Variants in FARS2 observed in about 807,000 individuals in gnomAD.
The protein encoded by FARS2 is phenylalanine--tRNA ligase, mitochondrial.
In FARS2, 40 loss-of-function variants were observed where a neutral mutation model predicts 46.4. That is an observed-to-expected ratio of 0.86 (90% CI 0.67 to 1.12). The LOEUF (loss-of-function observed/expected upper bound fraction) is 1.12. FARS2 is among the 50% of genes most tolerant of loss of function. FARS2 has a pLI of 0.00. For synonymous variants in FARS2, 234 were observed against 214.9 expected (o/e 1.09, Z -0.78); for missense variants, 513 against 567.9 (o/e 0.90, Z 0.98).
At chr6:5,485,847 G>C (rs1766744416) in intron 4 of FARS2, among the ~76,000 whole-genome samples, 1 of 152,288 alleles carries the variant, frequency 6.6e-6, no homozygotes, top group African/African-American at 2.4e-5. Context: ...TGAGATTTCA[G>C]TTCCTTGGCT....
chr6:5,682,170 T>G (rs1002844739), intron 6 of FARS2, among the ~76,000 whole-genome samples: 1 of 152,210 alleles, frequency 6.6e-6, no homozygotes, highest in African/African-American at 2.4e-5. Flanking sequence ...TACCTAGCTG[T>G]TAAAAATGAC....
At position 5,328,286 on chromosome 6, in the gene FARS2, C is replaced by G. The variant is rs78184173; in HGVS notation, c.-21-40264C>G. The stretch of plus-strand genomic sequence containing the variant: ...CCCTTACCCCCAAAGCACTATTGCC[C>G]CTGTTGGTTGAGAATGTTGGTCTAG... On this transcript the variant is annotated intron_variant, in intron 1 of 6. Transcript: ENST00000274680. Among the ~76,000 whole-genome samples the G allele has an allele frequency of 4.1e-3, 626 of 152,184 alleles. 5 individuals carry two copies. Among genetic ancestry groups the G allele is most frequent in the African/African-American group, 0.014 (588 of 41,524 alleles).
chr6:5,561,870 C>T (rs1434022193), intron 5 of FARS2, among the ~76,000 whole-genome samples: 2 of 151,946 alleles, frequency 1.3e-5, no homozygotes, highest in African/African-American at 4.8e-5. Flanking sequence ...GTGAATTTGT[C>T]AGTACTTTCT....
rs1761441511 is a variant in FARS2, at chr6:5,404,559, G to A, written c.630G>A (p.Lys210=). 4 of 1,602,156 alleles carry A rather than the reference G, an allele frequency of 2.5e-6. No individual in the cohort carries two copies. The highest frequency in any genetic ancestry group is 3.4e-6 in the Non-Finnish European group (4 of 1,173,722). The stretch of plus-strand genomic sequence containing the variant: ...GTTTACAGTTATTTGCTGGTATAAA[G>A]GATGGAGAAAGCCTGCAGCTCTTTG... ...FSKHELFAGI[K]DGESLQLFEQ... is the part of the protein sequence containing the mutation. The change falls in exon 3 of 7, where the codon AAG becomes AAA. Residue 210 remains lysine (K), a synonymous_variant. Coordinates refer to ENST00000274680, the MANE Select transcript of FARS2 (RefSeq NM_006567.5).
intron 4 of FARS2, among the ~76,000 whole-genome samples, chr6:5,490,770 A>G (rs1767058754): frequency 6.6e-6 from 1 of 152,240 alleles, no homozygotes; most frequent in Non-Finnish European, 1.5e-5. Flanking sequence ...AGACCCACAT[A>G]GTGAGGAACT....
chr6:5,654,066 G>A (rs1777496340), intron 6 of FARS2, among the ~76,000 whole-genome samples: 2 of 152,182 alleles, frequency 1.3e-5, no homozygotes, highest in African/African-American at 4.8e-5. Context: ...CACTAGTAGA[G>A]TCAGCAGTGT....
At chr6:5,759,451 GT>G (rs1762376769) in intron 6 of FARS2, among the ~76,000 whole-genome samples, 2 of 152,050 alleles carry the variant, frequency 1.3e-5, no homozygotes, top group African/African-American at 4.8e-5. Context: ...GTTTTGTTTT[GT>G]TTTATTCCAC....
chr6:5,588,400 A>ATTT (rs1773737058), intron 5 of FARS2, among the ~76,000 whole-genome samples: 1 of 152,010 alleles, frequency 6.6e-6, no homozygotes, highest in Non-Finnish European at 1.5e-5. Context: ...AACATTCCTG[A>ATTT]TTTTTCTGTA....
intron 5 of FARS2, among the ~76,000 whole-genome samples, chr6:5,569,039 C>A (rs949256656): frequency 6.6e-6 from 1 of 151,644 alleles, no homozygotes; most frequent in South Asian, 2.1e-4. Flanking sequence ...CTGTTAATAA[C>A]TGTGTTGCAT....
intron 6 of FARS2, among the ~76,000 whole-genome samples, chr6:5,620,147 C>T (rs1230397594): frequency 6.6e-6 from 1 of 151,892 alleles, no homozygotes; most frequent in Admixed American, 6.6e-5. Flanking sequence ...CGATGTTTAG[C>T]AGAATCCCCG....
intron 1 of FARS2, among the ~76,000 whole-genome samples, chr6:5,365,458 T>A (rs919001607): frequency 6.7e-6 from 1 of 149,452 alleles, no homozygotes; most frequent in East Asian, 2.0e-4. Context: ...AGCTCCCCAG[T>A]AGCTGGGACT....
chr6:5,577,884 C>T (rs1773080898), intron 5 of FARS2, among the ~76,000 whole-genome samples: 2 of 152,154 alleles, frequency 1.3e-5, no homozygotes, highest in Admixed American at 1.3e-4. Context: ...ACACTGCAAG[C>T]TCTGCCTCCC....
chr6:5,319,687 T>G (rs910770974), intron 1 of FARS2, among the ~76,000 whole-genome samples: 13 of 152,244 alleles, frequency 8.5e-5, no homozygotes, highest in Non-Finnish European at 1.2e-4. Context: ...CTCTGCCTTA[T>G]GCCCCTTGGT....
At chr6:5,265,866 A>G (rs1305123124) in intron 1 of FARS2, among the ~76,000 whole-genome samples, 3 of 152,154 alleles carry the variant, frequency 2.0e-5, no homozygotes, top group Non-Finnish European at 2.9e-5. Context: ...TTCATCCCTG[A>G]TGCTTGGGCC....
chr6:5,350,634 C>T (rs1457049388), intron 1 of FARS2, among the ~76,000 whole-genome samples: 1 of 152,194 alleles, frequency 6.6e-6, no homozygotes, highest in Non-Finnish European at 1.5e-5. Context: ...TAGGAAAACA[C>T]TGTACTTTGA....
intron 4 of FARS2, among the ~76,000 whole-genome samples, chr6:5,527,253 C>T (rs1769524423): frequency 6.6e-6 from 1 of 152,246 alleles, no homozygotes; most frequent in Admixed American, 6.5e-5. Flanking sequence ...AGTCTCATGG[C>T]ATTTGTCAGA....
chr6:5,468,616 A>G (rs1449924850), intron 4 of FARS2, among the ~76,000 whole-genome samples: 3 of 152,262 alleles, frequency 2.0e-5, no homozygotes, highest in Non-Finnish European at 2.9e-5. Context: ...TAATGACACT[A>G]TTCTAATGCC....
chr6:5,612,550 T>C (rs544923382), intron 5 of FARS2, among the ~76,000 whole-genome samples: 7 of 152,288 alleles, frequency 4.6e-5, no homozygotes, highest in African/African-American at 1.7e-4. Context: ...TAATTTTAAA[T>C]GTCTGTCCTA....
chr6:5,307,002 C>T (rs1768754077), intron 1 of FARS2, among the ~76,000 whole-genome samples: 1 of 152,046 alleles, frequency 6.6e-6, no homozygotes, highest in African/African-American at 2.4e-5. Context: ...AGAATGCAAA[C>T]CACTTAGGAC....
Sources: allele counts gnomAD v4.1 joint callset (sites outside exome capture counted in the v4.1 genomes callset), GRCh38; gene constraint gnomAD v4.1.1; transcripts MANE v1.5; gene names NCBI Gene and HGNC (gene_info 2026-07-23, HGNC 2026-07-21).